SCPEP1: variants seen among roughly 807,000 people sequenced by gnomAD.
The protein encoded by SCPEP1 is serine carboxypeptidase 1.
In SCPEP1, 51 loss-of-function variants were observed where a neutral mutation model predicts 63.8. The ratio of observed to expected loss-of-function variants is 0.80; its 90% CI spans 0.64 to 1.01. SCPEP1 has a LOEUF of 1.01. Among genes scored for constraint, SCPEP1 ranks in the 50% least tolerant of loss-of-function variants. The pLI, the probability that SCPEP1 is intolerant of heterozygous loss-of-function variation, is 0.00. For missense variants in SCPEP1, 499 were observed against 554.9 expected, an observed-to-expected ratio of 0.90 and a Z score of 1.01; for synonymous variants, 204 against 207.8, an observed-to-expected ratio of 0.98 and a Z score of 0.16.
chr17:57,002,664 A>G (rs965256828), intron 12 of SCPEP1, among the ~76,000 whole-genome samples: 11 of 151,978 alleles, frequency 7.2e-5, no homozygotes, highest in Non-Finnish European at 1.6e-4. Flanking sequence ...CCGAGATAGC[A>G]CCACTGCACT....
chr17:57,006,294 C>A lies in SCPEP1; in HGVS notation c.*59C>A. 1 of 1,356,210 alleles carries A rather than the reference C, an allele frequency of 7.4e-7. No homozygotes were observed. The highest frequency in any genetic ancestry group is 1.0e-6 in the Non-Finnish European group (1 of 988,686). The allele number at this position is 1,356,210 out of a possible 1,614,324, so 84.0% of individuals were successfully genotyped here. On this transcript the variant is annotated 3_prime_UTR_variant, in exon 13 of 13. Coordinates refer to ENST00000262288, the MANE Select transcript of SCPEP1 (RefSeq NM_021626.3). Reference sequence around the variant, plus strand: ...TTGGGGCACAGAGCTGAGCTGAGGCCGCTGAAGCTGTAGGAAGCGCCATTC... The same window carrying A: ...TTGGGGCACAGAGCTGAGCTGAGGCAGCTGAAGCTGTAGGAAGCGCCATTC...
chr17:56,985,398 C>T lies in SCPEP1; in HGVS notation c.246C>T (p.Ser82=), dbSNP rs1911185151. ...MWLQGGPGGS[S]TGFGNFEEIG... The stretch of plus-strand genomic sequence containing the variant: ...CATAGGGCGGTCCAGGCGGTTCTAG[C>T]ACTGGATTTGGAAACTTTGAGGAAA... Residue 82 remains serine, a synonymous_variant, in exon 3 of 13, where the codon AGC becomes AGT. Transcript: ENST00000262288. 2 of 1,614,106 alleles carry T rather than the reference C, an allele frequency of 1.2e-6. No homozygotes were observed. Among genetic ancestry groups the T allele is most frequent in the Non-Finnish European group, 1.7e-6 (2 of 1,179,958 alleles).
chr17:56,994,289 T>C (rs551855900), intron 6 of SCPEP1, among the ~76,000 whole-genome samples: 44 of 152,356 alleles, frequency 2.9e-4, no homozygotes, highest in African/African-American at 1.0e-3. Flanking sequence ...CTTGATTCTT[T>C]GTTGGCGTGT....
intron 5 of SCPEP1, among the ~76,000 whole-genome samples, chr17:56,988,987 G>T (rs1911305322): frequency 6.6e-6 from 1 of 151,310 alleles, no homozygotes; most frequent in African/African-American, 2.4e-5. Flanking sequence ...AGGAGTTCCA[G>T]ACCAGCCTGG....
chr17:57,005,824 A>C (rs1911873924), intron 12 of SCPEP1, among the ~76,000 whole-genome samples: 1 of 152,164 alleles, frequency 6.6e-6, no homozygotes, highest in South Asian at 2.1e-4. Flanking sequence ...ATGCCTTTAA[A>C]ATGTTTAGAA....
intron 12 of SCPEP1, among the ~76,000 whole-genome samples, chr17:57,002,733 C>T (rs182559758): frequency 2.6e-5 from 4 of 151,538 alleles, no homozygotes; most frequent in Non-Finnish European, 4.4e-5. Flanking sequence ...CAACCGGGCA[C>T]GGTGGCGCAT....
chr17:56,994,588 G>A (rs573283843), intron 6 of SCPEP1, among the ~76,000 whole-genome samples: 19 of 152,324 alleles, frequency 1.2e-4, no homozygotes, highest in East Asian at 3.9e-4. Flanking sequence ...CAAATAAGAT[G>A]TAGAGCAGAA....
chr17:56,998,387 T>C lies in SCPEP1; in HGVS notation c.883T>C (p.Cys295Arg). 1 of 1,613,316 alleles carries C rather than the reference T, an allele frequency of 6.2e-7. No individual in the cohort carries two copies. The part of the protein sequence containing the change: ...SLEFTQSHLV[C>R]LCQRHVRHLQ... ...ACTATCTACCAGTTTGGTTTTAGTT[T>C]GTCTTTGTCAGCGCCACGTGAGACA... The change falls in exon 10 of 13, where the codon TGT (cysteine) becomes CGT (arginine). Residue 295 changes from cysteine (C) to arginine (R), a missense_variant and splice_region_variant. By Grantham distance (180) the Cys-to-Arg change is radical (BLOSUM62 -3). Coordinates refer to ENST00000262288, the MANE Select transcript of SCPEP1 (RefSeq NM_021626.3).
At chr17:57,001,379 A>G (rs1204873615) in intron 11 of SCPEP1, among the ~76,000 whole-genome samples, 1 of 152,098 alleles carries the variant, frequency 6.6e-6, no homozygotes, top group Non-Finnish European at 1.5e-5. Flanking sequence ...CTAAACCCTA[A>G]TGACTGTAAC....
At chr17:56,986,496 G>A (rs143519508) in intron 3 of SCPEP1, among the ~76,000 whole-genome samples, 1,913 of 151,692 alleles carry the variant, frequency 0.013, 42 homozygotes, top group African/African-American at 0.042. Context: ...GGGATTACAG[G>A]TGTGAGCCAC....
chr17:56,985,148 T>A (rs1911178332), intron 2 of SCPEP1: 1 of 566,086 alleles, frequency 1.8e-6, no homozygotes, highest in African/African-American at 1.9e-5. Flanking sequence ...TCAGGAACAT[T>A]CCATTGTGGA....
intron 2 of SCPEP1, 23 bp downstream of exon 2, chr17:56,981,253 C>A: frequency 6.2e-7 from 1 of 1,613,632 alleles, no homozygotes; most frequent in Non-Finnish European, 8.5e-7. Context: ...CCCAGCCTGG[C>A]CTGAGGTCAA....
At chr17:56,996,568 G>A (rs1911569621) in intron 8 of SCPEP1, among the ~76,000 whole-genome samples, 1 of 151,008 alleles carries the variant, frequency 6.6e-6, no homozygotes, top group African/African-American at 2.4e-5. Flanking sequence ...CACCCACACT[G>A]TAGTGCAGTG....
At chr17:57,005,024 C>T (rs1198036893) in intron 12 of SCPEP1, among the ~76,000 whole-genome samples, 7 of 152,236 alleles carry the variant, frequency 4.6e-5, no homozygotes, top group South Asian at 4.1e-4. Context: ...CAGCAAGCAA[C>T]AGCAGCTTTC....
At chr17:57,001,125 C>A in intron 11 of SCPEP1, 133 bp downstream of exon 11, 1 of 942,902 alleles carries the variant, frequency 1.1e-6, no homozygotes, top group Non-Finnish European at 1.7e-6. Context: ...CCATTACATC[C>A]GTCTACCCCG....
At chr17:57,002,233 A>G (rs1911760895) in intron 12 of SCPEP1, 52 bp downstream of exon 12, 5 of 1,579,764 alleles carry the variant, frequency 3.2e-6, no homozygotes, top group Non-Finnish European at 4.3e-6. Flanking sequence ...GAGGGAAGCC[A>G]CAGGCGGTTA....
intron 5 of SCPEP1, 22 bp downstream of exon 5, chr17:56,988,312 G>T: frequency 6.3e-7 from 1 of 1,583,472 alleles, no homozygotes; most frequent in Admixed American, 1.7e-5. Context: ...TAACTTTGTT[G>T]TTATGGTTTT....
chr17:56,990,298 C>T (rs1479353578), intron 5 of SCPEP1, among the ~76,000 whole-genome samples: 1 of 152,150 alleles, frequency 6.6e-6, no homozygotes, highest in Admixed American at 6.5e-5. Flanking sequence ...TTTCACATTT[C>T]CTTCTATCTC....
chr17:57,003,334 C>A (rs568205370), intron 12 of SCPEP1, among the ~76,000 whole-genome samples: 7 of 152,144 alleles, frequency 4.6e-5, no homozygotes, highest in African/African-American at 1.4e-4. Flanking sequence ...ACAGATTTGT[C>A]CAAGAAATAC....
Sources: allele counts gnomAD v4.1 joint callset (sites outside exome capture counted in the v4.1 genomes callset), GRCh38; gene constraint gnomAD v4.1.1; transcripts MANE v1.5; gene names NCBI Gene and HGNC (gene_info 2026-07-23, HGNC 2026-07-21).